The following NOVA1 variants were observed in gnomAD, a reference collection of about 807,000 sequenced individuals.
NOVA1 encodes NOVA alternative splicing regulator 1, also known as RNA-binding protein Nova-1.
A neutral mutation model predicts 38.0 loss-of-function variants in NOVA1; 7 were observed. The observed-to-expected ratio is 0.18, with a 90% CI of 0.10 to 0.35. The LOEUF (loss-of-function observed/expected upper bound fraction) is 0.35, where lower values mean the gene tolerates loss of function less well. NOVA1 is among the 10% of genes least tolerant of loss of function. The pLI, the probability that NOVA1 is intolerant of heterozygous loss-of-function variation, is 1.00. For missense variants in NOVA1, 460 were observed against 616.0 expected (o/e 0.75, Z 2.68); for synonymous variants, 270 against 232.5 (o/e 1.16, Z -1.47).
chr14:26,587,445 G>T (rs1893594216), intron 2 of NOVA1, among the ~76,000 whole-genome samples: 1 of 150,908 alleles, frequency 6.6e-6, no homozygotes, highest in African/African-American at 2.4e-5. Flanking sequence ...CCAAATAGCT[G>T]CCTACACCAG....
At chr14:26,483,225 A>G (rs1435214032) in intron 2 of NOVA1, among the ~76,000 whole-genome samples, 2 of 152,180 alleles carry the variant, frequency 1.3e-5, no homozygotes, top group Admixed American at 6.5e-5. Flanking sequence ...GTGCTACTAT[A>G]AGTTTAGGTA....
chr14:26,508,026 T>C (rs1465051894), intron 2 of NOVA1, among the ~76,000 whole-genome samples: 12 of 151,974 alleles, frequency 7.9e-5, no homozygotes, highest in Non-Finnish European at 1.8e-4. Flanking sequence ...ATCTCTAAAG[T>C]TTTTCTATTA....
At chr14:26,544,288 G>T (rs1312174253) in intron 2 of NOVA1, among the ~76,000 whole-genome samples, 1 of 151,890 alleles carries the variant, frequency 6.6e-6, no homozygotes, top group Non-Finnish European at 1.5e-5. Context: ...AGTGTCAACC[G>T]CATCAAGGAA....
chr14:26,585,674 T>C (rs1363575479), intron 2 of NOVA1, among the ~76,000 whole-genome samples: 1 of 151,308 alleles, frequency 6.6e-6, no homozygotes, highest in Non-Finnish European at 1.5e-5. Context: ...TATTAATAAC[T>C]AATTCTTAAA....
intron 2 of NOVA1, among the ~76,000 whole-genome samples, chr14:26,588,784 T>C (rs1175420616): frequency 6.6e-6 from 1 of 151,534 alleles, no homozygotes; most frequent in Admixed American, 6.6e-5. Context: ...TAAAATAATT[T>C]ATGTTTTAAA....
chr14:26,508,931 G>A (rs2138442185), intron 2 of NOVA1, among the ~76,000 whole-genome samples: 1 of 151,718 alleles, frequency 6.6e-6, no homozygotes, highest in Admixed American at 6.6e-5. Context: ...AGCCCATCTA[G>A]GATAAAATGA....
intron 2 of NOVA1, among the ~76,000 whole-genome samples, chr14:26,579,169 C>T (rs1315652009): frequency 1.3e-5 from 2 of 150,402 alleles, no homozygotes; most frequent in African/African-American, 2.4e-5. Flanking sequence ...GTGACTCTCC[C>T]GCCTCAGCCT....
chr14:26,596,999 T>C (rs1009317759), intron 1 of NOVA1: 80 of 1,245,856 alleles, frequency 6.4e-5, no homozygotes, highest in Non-Finnish European at 7.7e-5. Context: ...TGCCCAGGTC[T>C]AGGATATTTA....
intron 2 of NOVA1, among the ~76,000 whole-genome samples, chr14:26,558,212 C>T (rs953351330): frequency 2.0e-5 from 3 of 151,822 alleles, no homozygotes; most frequent in Middle Eastern, 3.4e-3. Context: ...AAATGTACAA[C>T]GTAATGAATG....
In NOVA1 at chr14:26,597,507, C is replaced by CTTT. The variant is rs563401938; in HGVS notation, c.-74_-72dup. ...GTTTTGGCTTTTTCTTTTCTTTTTTCTTTTTTTTTTTTTTTTTTTTTTGCG... is the reference window on the plus strand; with the variant it reads ...GTTTTGGCTTTTTCTTTTCTTTTTTCTTTTTTTTTTTTTTTTTTTTTTTTTGCG... On this transcript the variant is annotated 5_prime_UTR_variant, in exon 1 of 5. Transcript: ENST00000539517. The CTTT allele has an allele frequency of 0.015, 11,354 of 767,536 alleles. No homozygotes were observed. The highest frequency in any genetic ancestry group is 0.016 in the Non-Finnish European group (10,391 of 667,720). 47.5% of individuals were successfully genotyped at this position (767,536 alleles called of 1,614,324 possible). A position where few individuals can be genotyped will look rare whatever the true frequency, so the allele number is the denominator to read the frequency against.
Position 26,492,144 on chromosome 14 carries a change from C to A in NOVA1, c.281-12001G>T, listed in dbSNP as rs1320820578. Among the ~76,000 whole-genome samples, 7 of 152,098 alleles carry A rather than the reference C, an allele frequency of 4.6e-5. No homozygotes were observed. The South Asian group carries it at 6.2e-4, about 13-fold the overall frequency. ...TGCAGGCATTTTACTATTTTAGATG[C>A]TACTGTAAACGAAATTTATTTCTTA... On this transcript the variant is annotated intron_variant, in intron 2 of 4. Transcript: ENST00000539517.
At chr14:26,514,297 T>C (rs1594442110) in intron 2 of NOVA1, among the ~76,000 whole-genome samples, 1 of 151,902 alleles carries the variant, frequency 6.6e-6, no homozygotes, top group African/African-American at 2.4e-5. Flanking sequence ...ATTAAATGTA[T>C]CTACCATCCA....
intron 2 of NOVA1, among the ~76,000 whole-genome samples, chr14:26,541,624 G>GA (rs1890472386): frequency 6.7e-6 from 1 of 149,180 alleles, no homozygotes; most frequent in Non-Finnish European, 1.5e-5. Flanking sequence ...TTCAAAAACA[G>GA]AAAAACAGAA....
Position 26,448,050 on chromosome 14 carries a change from G to A in NOVA1, c.1433C>T (p.Pro478Leu), listed in dbSNP as rs1480320654. The change falls in exon 5 of 5, where the codon CCA becomes CTA. Residue 478 changes from proline to leucine, a missense_variant. Pro to Leu is a moderately conservative substitution (Grantham distance 98, BLOSUM62 -3). Coordinates refer to ENST00000539517, the MANE Select transcript of NOVA1 (RefSeq NM_002515.3). The surrounding 1 kb of genome is among the most constrained non-coding windows in gnomAD (Gnocchi z 5.3). ...RNRKVTITGTPAATQAAQYLI... is the reference protein window; with the variant it reads ...RNRKVTITGTLAATQAAQYLI... ...ATATTGAGCAGCCTGTGTTGCAGCT[G>A]GTGTTCCAGTAATGGTTACCTTCCG... 1.1e-5 allele frequency: 18 copies of A among 1,614,016 alleles called. No individual in the cohort carries two copies. The highest frequency in any genetic ancestry group is 2.7e-5 in the African/African-American group (2 of 74,912).
chr14:26,490,628 T>C (rs1886260473), intron 2 of NOVA1, among the ~76,000 whole-genome samples: 1 of 152,204 alleles, frequency 6.6e-6, no homozygotes, highest in African/African-American at 2.4e-5. Context: ...TTCATTTGTA[T>C]ATTTTCTTTA....
At chr14:26,478,673 T>C (rs902474020) in intron 3 of NOVA1, among the ~76,000 whole-genome samples, 1 of 151,912 alleles carries the variant, frequency 6.6e-6, no homozygotes, top group Admixed American at 6.6e-5. Flanking sequence ...TAAATGACTG[T>C]GAAAAATAAA....
intron 2 of NOVA1, among the ~76,000 whole-genome samples, chr14:26,483,524 T>C (rs1885629894): frequency 6.6e-6 from 1 of 152,192 alleles, no homozygotes; most frequent in South Asian, 2.1e-4. Context: ...TAATATAAAA[T>C]TTTCAATAAA....
At chr14:26,485,734 T>G (rs1046986827) in intron 2 of NOVA1, among the ~76,000 whole-genome samples, 3 of 152,068 alleles carry the variant, frequency 2.0e-5, no homozygotes, top group Non-Finnish European at 1.5e-5. Context: ...TAAAAGAAAA[T>G]GCATCAGTTT....
At chr14:26,580,207 G>C (rs1227546175) in intron 2 of NOVA1, among the ~76,000 whole-genome samples, 1 of 151,992 alleles carries the variant, frequency 6.6e-6, no homozygotes, top group African/African-American at 2.4e-5. Context: ...AGAAGTCTTA[G>C]TATCCTGAAA....
Sources: gnomAD v4.1 joint callset for allele counts (sites outside exome capture counted in the v4.1 genomes callset) on GRCh38, gnomAD v4.1.1 for gene constraint, Gnocchi (gnomAD v3.1) non-coding constraint, MANE v1.5 for transcripts, NCBI Gene and HGNC (gene_info 2026-07-23, HGNC 2026-07-21) for gene names.